The following IQSEC3 variants were observed in gnomAD, a reference collection of about 807,000 sequenced individuals.
IQSEC3 encodes IQ motif and SEC7 domain-containing protein 3.
A neutral mutation model predicts 105.4 loss-of-function variants in IQSEC3; 50 were observed. The observed-to-expected ratio is 0.47, with a 90% CI of 0.38 to 0.60. The LOEUF (loss-of-function observed/expected upper bound fraction) is 0.60, where lower values mean the gene tolerates loss of function less well. Ranked by LOEUF, IQSEC3 falls within the 20% of genes least tolerant of loss-of-function variation. The probability of loss-of-function intolerance (pLI) is 0.00; values close to 1 mark genes in which losing one functional copy is unlikely to be tolerated. For synonymous variants in IQSEC3, 708 were observed against 746.0 expected, an observed-to-expected ratio of 0.95 and a Z score of 0.83; for missense variants, 1,415 against 1,630.0, an observed-to-expected ratio of 0.87 and a Z score of 2.27.
At chr12:84,924 TCAGGGGGTA>T (rs1245217914) in intron 1 of IQSEC3, among the ~76,000 whole-genome samples, 25 of 152,122 alleles carry the variant, frequency 1.6e-4, no homozygotes, top group Admixed American at 1.4e-3. Context: ...ATGCCTGGGG[TCAGGGGGTA>T]CAGTGAGAAT....
At chr12:129,487 C>T (rs576012268) in intron 3 of IQSEC3, among the ~76,000 whole-genome samples, 2 of 152,234 alleles carry the variant, frequency 1.3e-5, no homozygotes, top group African/African-American at 4.8e-5. Context: ...CTCCTGCCAG[C>T]TCTTCTCCCC....
intron 5 of IQSEC3, chr12:148,839 G>T (rs920041105): frequency 2.9e-4 from 44 of 151,914 alleles, no homozygotes; most frequent in African/African-American, 1.0e-3. Flanking sequence ...TCACCTTCCA[G>T]ATCTTCGCCG....
chr12:74,954 C>A (rs1355950313), intron 1 of IQSEC3, among the ~76,000 whole-genome samples: 4 of 152,276 alleles, frequency 2.6e-5, no homozygotes, highest in Non-Finnish European at 5.9e-5. Flanking sequence ...AAGAGCCCAT[C>A]AGGGCTGCTT....
At chr12:134,859 C>T (rs1555085910) in intron 3 of IQSEC3, among the ~76,000 whole-genome samples, 1 of 151,806 alleles carries the variant, frequency 6.6e-6, no homozygotes, top group Admixed American at 6.6e-5. Flanking sequence ...GGCACGGTGG[C>T]TCACGCCTGT....
chr12:150,697 G>A (rs1866472880), intron 5 of IQSEC3, among the ~76,000 whole-genome samples: 1 of 152,242 alleles, frequency 6.6e-6, no homozygotes, highest in Admixed American at 6.5e-5. Context: ...CAAGAGAAGT[G>A]TTAATGGTGC....
chr12:84,417 C>T (rs782625129), intron 1 of IQSEC3, among the ~76,000 whole-genome samples: 6 of 152,198 alleles, frequency 3.9e-5, no homozygotes, highest in African/African-American at 1.4e-4. Context: ...TGCATGTGTG[C>T]GTGTATGCCT....
chr12:74,601 C>A (rs1863448026), intron 1 of IQSEC3, among the ~76,000 whole-genome samples: 1 of 152,248 alleles, frequency 6.6e-6, no homozygotes. Flanking sequence ...AGGTGGGCTG[C>A]TATGGTCATG....
Position 165,823 on chromosome 12 carries a change from G to A in IQSEC3, c.2904G>A (p.Gln968=). 2 of 1,614,120 alleles carry A rather than the reference G, an allele frequency of 1.2e-6. No homozygotes were observed. Among genetic ancestry groups the A allele is most frequent in the Non-Finnish European group, 1.7e-6 (2 of 1,180,040 alleles). The change falls in exon 11 of 14, where the codon CAG becomes CAA. Residue 968 remains glutamine, a synonymous_variant. Transcript: ENST00000538872. ...GTGCCCTGGGCTCGGACGAGATGCA[G>A]AAGTTCGTGGAGGACCTGAAGGAGT... is the stretch of plus-strand genomic sequence containing the variant. ...HFCALGSDEM[Q]KFVEDLKESI...
intron 7 of IQSEC3, among the ~76,000 whole-genome samples, chr12:159,620 C>T (rs1555095559): frequency 6.6e-6 from 1 of 152,176 alleles, no homozygotes; most frequent in East Asian, 1.9e-4. Context: ...GGCCTTTTGT[C>T]TGTTACTCTT....
chr12:126,562 TGTGTGTGTGTGC>T (rs1465439983), intron 3 of IQSEC3, among the ~76,000 whole-genome samples: 1 of 151,704 alleles, frequency 6.6e-6, no homozygotes, highest in Non-Finnish European at 1.5e-5. Flanking sequence ...TGTGTGTGTG[TGTGTGTGTGTGC>T]GCTTAGAGAA....
At chr12:113,025 C>T (rs1471001333) in intron 2 of IQSEC3, among the ~76,000 whole-genome samples, 1 of 152,154 alleles carries the variant, frequency 6.6e-6, no homozygotes, top group Non-Finnish European at 1.5e-5. Flanking sequence ...TGTCCCTCTT[C>T]TCCATTCGTC....
intron 5 of IQSEC3, among the ~76,000 whole-genome samples, chr12:142,950 T>C (rs898535583): frequency 6.6e-6 from 1 of 152,042 alleles, no homozygotes; most frequent in African/African-American, 2.4e-5. Flanking sequence ...GGGGCAGGAG[T>C]GACTCTGCTT....
intron 13 of IQSEC3, among the ~76,000 whole-genome samples, chr12:171,622 G>C (rs535638367): frequency 2.6e-4 from 39 of 152,246 alleles, no homozygotes; most frequent in African/African-American, 8.7e-4. Context: ...GGCCCCAAAC[G>C]ATCACTTCTG....
Position 125,929 on chromosome 12 carries a change from AG to A in IQSEC3, c.903+23del, listed in dbSNP as rs201180944. ...AATAAACAGGTACCCAGGGCCTCCT[AG>A]GGGGGCGGGGAGGGTGGTGAAGGGG... On this transcript the variant is annotated intron_variant, in intron 3 of 13. Coordinates refer to ENST00000538872, the MANE Select transcript of IQSEC3 (RefSeq NM_001170738.2). 7.5e-5 allele frequency: 114 copies of A among 1,527,862 alleles called. No individual in the cohort carries two copies. The highest frequency in any genetic ancestry group is 2.2e-4 in the Middle Eastern group (1 of 4,580). The allele number at this position is 1,527,862 out of a possible 1,614,324, so 94.6% of individuals were successfully genotyped here. A position where few individuals can be genotyped will look rare whatever the true frequency, so the allele number is the denominator to read the frequency against.
chr12:169,075 G>C lies in IQSEC3; in HGVS notation c.3034G>C (p.Asp1012His), dbSNP rs782029989. ...CTTCAAGCCCTGCGGAGCCCAGGGG[G>C]ACCCACAGTCAAAGCAAGGATCGCC... Reference protein sequence around the residue: ...LSFKPCGAQGDPQSKQGSPTA... With the variant: ...LSFKPCGAQGHPQSKQGSPTA... Residue 1012 changes from aspartate to histidine, a missense_variant, in exon 12 of 14, where the codon GAC (aspartate) becomes CAC (histidine). Asp to His is a moderately conservative substitution (Grantham distance 81, BLOSUM62 -1). Transcript: ENST00000538872. 5.6e-6 allele frequency: 9 copies of C among 1,613,880 alleles called. No individual in the cohort carries two copies. The Admixed American group carries it at 1.5e-4, about 27-fold the overall frequency.
At chr12:84,921 G>A (rs918818702) in intron 1 of IQSEC3, among the ~76,000 whole-genome samples, 3 of 152,128 alleles carry the variant, frequency 2.0e-5, no homozygotes, top group Non-Finnish European at 2.9e-5. Context: ...CAGATGCCTG[G>A]GGTCAGGGGG....
rs2136896538 is a variant in IQSEC3 at position 87,302 on chromosome 12, T to C, written c.555-11844T>C. The stretch of plus-strand genomic sequence containing the variant: ...GAGTCATTTGGGCTTCCTCCCAGCA[T>C]GAAGGCTGATTTCCTCTCATCACCA... On this transcript the variant is annotated intron_variant, in intron 1 of 13. Coordinates refer to ENST00000538872, the MANE Select transcript of IQSEC3 (RefSeq NM_001170738.2). Among the ~76,000 whole-genome samples the C allele has an allele frequency of 1.3e-5, 2 of 152,242 alleles. 1 individual carries two copies. The highest frequency in any genetic ancestry group is 4.2e-4 in the South Asian group (2 of 4,812).
Position 177,035 on chromosome 12 carries a change from AG to A in IQSEC3, c.*2004del, listed in dbSNP as rs1362064157. On this transcript the variant is annotated 3_prime_UTR_variant, in exon 14 of 14. Coordinates refer to ENST00000538872, the MANE Select transcript of IQSEC3 (RefSeq NM_001170738.2). The surrounding 1 kb of genome is among the most constrained non-coding windows in gnomAD (Gnocchi z 5.3). ...CGATGACTAAGAGGCAGGGAGTGCG[AG>A]GTATGGGGGAATAGGAACTATGAGC... The A allele has an allele frequency of 6.6e-6, 1 of 152,194 alleles. No homozygotes were observed. Among genetic ancestry groups the A allele is most frequent in the East Asian group, 1.9e-4 (1 of 5,186 alleles). 9.4% of individuals were successfully genotyped at this position (152,194 alleles called of 1,614,324 possible).
At position 131,683 on chromosome 12, in the gene IQSEC3, G is replaced by A. The variant is rs537492987; in HGVS notation, c.903+5771G>A. Among the ~76,000 whole-genome samples the A allele has an allele frequency of 6.6e-5, 10 of 152,304 alleles. No homozygotes were observed. In the South Asian group the frequency reaches 2.1e-3, roughly 32 times the overall value. On this transcript the variant is annotated intron_variant, in intron 3 of 13. Transcript: ENST00000538872. ...AGATGCAGAGACAGATGTCTTGCCT[G>A]TGATGGACAGTCCGCAGCGAGAGCT...
Sources: gnomAD v4.1 joint callset for allele counts (sites outside exome capture counted in the v4.1 genomes callset) on GRCh38, gnomAD v4.1.1 for gene constraint, Gnocchi (gnomAD v3.1) non-coding constraint, MANE v1.5 for transcripts, NCBI Gene and HGNC (gene_info 2026-07-23, HGNC 2026-07-21) for gene names.